Variants in SETD5 observed in about 807,000 individuals in gnomAD.
The protein encoded by SETD5 is SET domain containing 5.
A neutral mutation model predicts 153.3 loss-of-function variants in SETD5; 44 were observed. The ratio of observed to expected loss-of-function variants is 0.29; its 90% CI spans 0.23 to 0.37. The LOEUF is 0.37. Among genes scored for constraint, SETD5 ranks in the 10% least tolerant of loss-of-function variants. SETD5 has a pLI of 1.00. For synonymous variants in SETD5, 716 were observed against 645.2 expected, an observed-to-expected ratio of 1.11 and a Z score of -1.66; for missense variants, 1,544 against 1,768.0, an observed-to-expected ratio of 0.87 and a Z score of 2.27.
intron 3 of SETD5, chr3:9,430,096 G>T: frequency 9.6e-7 from 1 of 1,040,584 alleles, no homozygotes; most frequent in Non-Finnish European, 1.2e-6. Context: ...CATTTTCACA[G>T]TCCCTGGGGA....
intron 1 of SETD5, among the ~76,000 whole-genome samples, chr3:9,406,723 G>A (rs2035764443): frequency 6.6e-6 from 1 of 152,040 alleles, no homozygotes; most frequent in Admixed American, 6.6e-5. Flanking sequence ...GTGGCAAATA[G>A]AACTTTAATG....
At chr3:9,462,724 C>A (rs916321387) in intron 17 of SETD5, among the ~76,000 whole-genome samples, 1 of 151,954 alleles carries the variant, frequency 6.6e-6, no homozygotes, top group Admixed American at 6.6e-5. Flanking sequence ...CATGGTGAAA[C>A]CCTGTCTCTA....
rs1442573828 is a variant in SETD5 at position 9,447,898 on chromosome 3, A to G, written c.1995A>G (p.Leu665=). The change falls in exon 15 of 23, where the codon CTA becomes CTG. Residue 665 remains leucine, a synonymous_variant. Transcript: ENST00000402198. ...SLVTPTEAGS[L]DSSGENRPLT... ...TAACTCCTACTGAAGCTGGAAGTCT[A>G]GACAGTTCAGGAGAAAACAGGCCAT... 3 of 1,613,910 alleles carry G rather than the reference A, an allele frequency of 1.9e-6. No homozygotes were observed. The highest frequency in any genetic ancestry group is 1.3e-5 in the African/African-American group (1 of 74,934).
chr3:9,468,553 G>C, intron 18 of SETD5: 1 of 1,304,252 alleles, frequency 7.7e-7, no homozygotes, highest in Non-Finnish European at 1.0e-6. Flanking sequence ...CCTGCGCATA[G>C]GCCCGAGTCC....
intron 18 of SETD5, among the ~76,000 whole-genome samples, chr3:9,467,603 A>G (rs2044764212): frequency 6.6e-6 from 1 of 152,028 alleles, no homozygotes; most frequent in South Asian, 2.1e-4. Flanking sequence ...TGTGCCTGCC[A>G]CCTAGGCCAC....
chr3:9,415,415 A>C (rs949168353), intron 1 of SETD5, among the ~76,000 whole-genome samples: 3 of 152,150 alleles, frequency 2.0e-5, no homozygotes, highest in Admixed American at 6.5e-5. Context: ...CCTGGATCTC[A>C]TAACAAGCCA....
intron 17 of SETD5, among the ~76,000 whole-genome samples, chr3:9,456,302 C>A (rs575979514): frequency 2.0e-5 from 3 of 151,906 alleles, no homozygotes; most frequent in South Asian, 4.2e-4. Context: ...ATGGTGAAAC[C>A]CTGTCTCTAC....
chr3:9,429,917 G>A, intron 3 of SETD5: 1 of 1,303,200 alleles, frequency 7.7e-7, no homozygotes, highest in Non-Finnish European at 1.0e-6. Context: ...GGGCCTAGGG[G>A]GCAGCACACC....
intron 6 of SETD5, among the ~76,000 whole-genome samples, chr3:9,435,508 A>G (rs1331973539): frequency 6.6e-6 from 1 of 152,222 alleles, no homozygotes; most frequent in East Asian, 1.9e-4. Context: ...ACAAGGGGAG[A>G]AATAAATACC....
In SETD5 at chr3:9,447,196, G is replaced by A. The variant is rs2042121208; in HGVS notation, c.1671G>A (p.Glu557=). The A allele has an allele frequency of 6.2e-7, 1 of 1,614,018 alleles. No individual in the cohort carries two copies. The highest frequency in any genetic ancestry group is 8.5e-7 in the Non-Finnish European group (1 of 1,179,894). The change falls in exon 14 of 23, where the codon GAG becomes GAA. Residue 557 remains glutamate, a synonymous_variant. Transcript: ENST00000402198. ...TTTSETPVGE[E]TKTEAPESEV... ...CCTCAGAGACTCCTGTTGGTGAAGA[G>A]ACAAAAACTGAAGCCCCTGAATCTG...
chr3:9,451,495 G>A (rs1324012652), intron 16 of SETD5, among the ~76,000 whole-genome samples: 1 of 152,172 alleles, frequency 6.6e-6, no homozygotes, highest in Non-Finnish European at 1.5e-5. Context: ...TGTCCAGGCT[G>A]GAGTGCAGTG....
At position 9,470,692 on chromosome 3, in the gene SETD5, C is replaced by T; in HGVS notation, c.2958C>T (p.Ala986=). 1 of 1,614,020 alleles carries T rather than the reference C, an allele frequency of 6.2e-7. No individual in the cohort carries two copies. The highest frequency in any genetic ancestry group is 8.5e-7 in the Non-Finnish European group (1 of 1,179,886). The change falls in exon 19 of 23, where the codon GCC becomes GCT. Residue 986 remains alanine, a synonymous_variant. Coordinates refer to ENST00000402198, the MANE Select transcript of SETD5 (RefSeq NM_001080517.3). ...GGACAGAGTTCAACTTGATGTATGCCTACTCCCCTTTGAATGCTATGCCTC... is the reference window on the plus strand; with the variant it reads ...GGACAGAGTTCAACTTGATGTATGCTTACTCCCCTTTGAATGCTATGCCTC... The part of the protein sequence containing the change: ...AFRTEFNLMY[A]YSPLNAMPRA...
At chr3:9,399,738 A>T (rs1210014780) in intron 1 of SETD5, among the ~76,000 whole-genome samples, 1 of 151,990 alleles carries the variant, frequency 6.6e-6, no homozygotes, top group African/African-American at 2.4e-5. Flanking sequence ...TGATTTTTCT[A>T]ATAAAAGGCC....
At chr3:9,442,937 G>GGCTGAGACAGGAGAATT (rs2041479755) in intron 10 of SETD5, 1 of 187,928 alleles carries the variant, frequency 5.3e-6, no homozygotes, top group African/African-American at 2.4e-5. Flanking sequence ...GTACTCAGGA[G>GGCTGAGACAGGAGAATT]GCTGAGACAG....
intron 1 of SETD5, among the ~76,000 whole-genome samples, chr3:9,411,001 G>C (rs2036492557): frequency 6.6e-6 from 1 of 151,670 alleles, no homozygotes; most frequent in Admixed American, 6.6e-5. Flanking sequence ...CAATTCTCCT[G>C]TCTCAGCCTC....
chr3:9,442,191 T>C lies in SETD5; in HGVS notation c.1023T>C (p.Arg341=), dbSNP rs1325711160. Reference sequence around the variant, plus strand: ...GTGTAGAGATGTGTGTGGATGCCCGTACTTTCGGTAATGATGCTCGGTTCA... The same window carrying C: ...GTGTAGAGATGTGTGTGGATGCCCGCACTTTCGGTAATGATGCTCGGTTCA... ...FNGVEMCVDA[R]TFGNDARFIR... is the part of the protein sequence containing the mutation. The change falls in exon 10 of 23, where the codon CGT becomes CGC. Residue 341 remains arginine, a synonymous_variant. Coordinates refer to ENST00000402198, the MANE Select transcript of SETD5 (RefSeq NM_001080517.3). The C allele has an allele frequency of 6.2e-7, 1 of 1,611,128 alleles. No individual in the cohort carries two copies. Among genetic ancestry groups the C allele is most frequent in the Non-Finnish European group, 8.5e-7 (1 of 1,178,950 alleles).
At chr3:9,421,138 G>C (rs911803726) in intron 1 of SETD5, among the ~76,000 whole-genome samples, 2 of 151,862 alleles carry the variant, frequency 1.3e-5, no homozygotes, top group Admixed American at 6.6e-5. Context: ...GTTGGCAGCA[G>C]TGCCAGGATT....
At chr3:9,433,717 G>A (rs550752635) in intron 3 of SETD5, 128 bp from the exon 4 acceptor site, 76 of 1,006,392 alleles carry the variant, frequency 7.6e-5, no homozygotes, top group Non-Finnish European at 9.8e-5. Context: ...TTGTTTCACC[G>A]AGTTCTTTCT....
rs376057899 is a variant in SETD5 at position 9,475,775 on chromosome 3, G to A, written c.4013G>A (p.Arg1338Lys). 4.3e-5 allele frequency: 70 copies of A among 1,613,894 alleles called. No individual in the cohort carries two copies. Among genetic ancestry groups the A allele is most frequent in the Non-Finnish European group, 5.8e-5 (69 of 1,179,886 alleles). Residue 1338 changes from arginine (R) to lysine (K), a missense_variant, in exon 23 of 23, where the codon AGG becomes AAG. This residue lies in a region of SETD5 where 302 missense variants were observed against 277.6 expected (regional missense o/e 1.09). Transcript: ENST00000402198. ...AGCACTGGCAGCAATCTTCCAAGGA[G>A]GAGCTGCCCTTCTAGTGCTGCTAGC... ...GNSTGSNLPR[R>K]SCPSSAASPT...
Sources: allele counts gnomAD v4.1 joint callset (sites outside exome capture counted in the v4.1 genomes callset), GRCh38; gene constraint gnomAD v4.1.1; regional missense constraint gnomAD v4.1.1; transcripts MANE v1.5; gene names NCBI Gene and HGNC (gene_info 2026-07-23, HGNC 2026-07-21).